The following NDEL1 variants were observed in gnomAD, a reference collection of about 807,000 sequenced individuals.
NDEL1 encodes nudE neurodevelopment protein 1 like 1, also known as nuclear distribution protein nudE-like 1.
NDEL1 carries 9 observed loss-of-function variants against 45.7 expected under a neutral mutation model. The observed-to-expected ratio is 0.20, with a 90% CI of 0.12 to 0.34. The LOEUF (loss-of-function observed/expected upper bound fraction) is 0.34, where lower values mean the gene tolerates loss of function less well. Among genes scored for constraint, NDEL1 ranks in the 10% least tolerant of loss-of-function variants. The pLI is 1.00. For missense variants in NDEL1, 306 were observed against 406.2 expected (o/e 0.75, Z 2.12); for synonymous variants, 133 against 158.6 (o/e 0.84, Z 1.21).
intron 1 of NDEL1, among the ~76,000 whole-genome samples, chr17:8,421,140 T>C (rs2151693620): frequency 6.6e-6 from 1 of 152,300 alleles, no homozygotes; most frequent in Middle Eastern, 3.4e-3. Flanking sequence ...TAATGGAAGA[T>C]TTAAGCTAAT....
intron 1 of NDEL1, among the ~76,000 whole-genome samples, chr17:8,414,203 G>A (rs1402963376): frequency 6.6e-6 from 1 of 151,692 alleles, no homozygotes; most frequent in African/African-American, 2.4e-5. Flanking sequence ...GGGTGTTTAG[G>A]GTGTTTCCAA....
intron 1 of NDEL1, among the ~76,000 whole-genome samples, chr17:8,425,164 T>C (rs1567720353): frequency 6.6e-6 from 1 of 152,262 alleles, no homozygotes; most frequent in Non-Finnish European, 1.5e-5. Context: ...TTTGAATGTG[T>C]TTGATTAGGA....
intron 1 of NDEL1, among the ~76,000 whole-genome samples, chr17:8,424,015 A>C (rs1005405818): frequency 7.2e-5 from 11 of 152,218 alleles, no homozygotes; most frequent in Admixed American, 2.6e-4. Context: ...TTATTTTTTA[A>C]ACTTTAGAAA....
chr17:8,473,539 A>G (rs1257817450), intron 3 of NDEL1, among the ~76,000 whole-genome samples: 1 of 152,162 alleles, frequency 6.6e-6, no homozygotes, highest in South Asian at 2.1e-4. Context: ...ACACTCTTGG[A>G]TAAGATACTG....
At chr17:8,451,542 C>G (rs929975833) in intron 6 of NDEL1, among the ~76,000 whole-genome samples, 1 of 152,188 alleles carries the variant, frequency 6.6e-6, no homozygotes, top group Non-Finnish European at 1.5e-5. Flanking sequence ...CATTCTGTTA[C>G]ATGCTTCAGG....
chr17:8,456,162 A>G lies in NDEL1; in HGVS notation c.792+1275A>G, dbSNP rs542846499. 4.3e-4 allele frequency among the ~76,000 whole-genome samples: 65 copies of G among 152,358 alleles called. No individual in the cohort carries two copies. The South Asian group carries it at 0.01, about 24-fold the overall frequency. On this transcript the variant is annotated intron_variant, in intron 7 of 8. Transcript: ENST00000334527. Reference sequence around the variant, plus strand: ...AAGCAGATATGGGAGGCCAAGACACAGGTCCTATGTTTGCCTGTTTCAGCT... The same window carrying G: ...AAGCAGATATGGGAGGCCAAGACACGGGTCCTATGTTTGCCTGTTTCAGCT...
chr17:8,439,191 C>T (rs367666697), intron 1 of NDEL1, among the ~76,000 whole-genome samples: 9 of 151,488 alleles, frequency 5.9e-5, no homozygotes, highest in African/African-American at 1.9e-4. Flanking sequence ...CCGCCCGCCT[C>T]GGCCTCCCAA....
intron 1 of NDEL1, among the ~76,000 whole-genome samples, chr17:8,443,701 G>T (rs986488836): frequency 5.9e-5 from 9 of 152,012 alleles, no homozygotes; most frequent in African/African-American, 2.2e-4. Context: ...GAGATTAGTG[G>T]GCTTTTGGAA....
intron 1 of NDEL1, among the ~76,000 whole-genome samples, chr17:8,421,267 C>G (rs1908698496): frequency 6.6e-6 from 1 of 152,086 alleles, no homozygotes; most frequent in Non-Finnish European, 1.5e-5. Flanking sequence ...TAATAGGCCC[C>G]CCAAAAATGT....
rs187406703 is a variant in NDEL1 at position 8,446,942 on chromosome 17, T to G, written c.389+40T>G. 6.3e-6 allele frequency: 10 copies of G among 1,587,158 alleles called. No homozygotes were observed. In the East Asian group the frequency reaches 1.8e-4, roughly 29 times the overall value. On this transcript the variant is annotated intron_variant, in intron 4 of 8. Coordinates refer to ENST00000334527, the MANE Select transcript of NDEL1 (RefSeq NM_030808.5). ...GCATTTTGTTAGAAAAAAACCACCT[T>G]GGTAATTAGTGATTAAAATCTTTAT...
chr17:8,430,392 C>T lies in NDEL1; in HGVS notation c.-12-13868C>T, dbSNP rs184878917. On this transcript the variant is annotated intron_variant, in intron 1 of 4. Coordinates refer to the NDEL1 transcript ENST00000582812. Reference sequence around the variant, plus strand: ...CAGTAGAGTTAAGTATGCCCCATCTCGTCAGAATTTCCACAGTGGGCCTGT... The same window carrying T: ...CAGTAGAGTTAAGTATGCCCCATCTTGTCAGAATTTCCACAGTGGGCCTGT... 8.9e-4 allele frequency among the ~76,000 whole-genome samples: 135 copies of T among 152,292 alleles called. 1 individual carries two copies. Among genetic ancestry groups the T allele is most frequent in the African/African-American group, 3.1e-3 (127 of 41,526 alleles).
At chr17:8,462,220 GT>G (rs1911255101) in intron 8 of NDEL1, among the ~76,000 whole-genome samples, 1 of 151,924 alleles carries the variant, frequency 6.6e-6, no homozygotes, top group African/African-American at 2.4e-5. Context: ...CTGAGTTTTG[GT>G]TTTAAATGGT....
chr17:8,471,148 T>G (rs12601240), downstream of NDEL1, among the ~76,000 whole-genome samples: 37,991 of 152,100 alleles, frequency 0.25, 5,817 homozygotes, highest in Admixed American at 0.36. Flanking sequence ...CTGCAAGTTT[T>G]TTGTTGTTGT....
intron 1 of NDEL1, among the ~76,000 whole-genome samples, chr17:8,428,567 A>G (rs979270711): frequency 1.1e-4 from 16 of 150,944 alleles, no homozygotes; most frequent in African/African-American, 3.7e-4. Context: ...GTTTCACCAT[A>G]CTGGCCAGGC....
At chr17:8,418,655 TTCCTTCCTTCCC>T (rs1908627552) in intron 1 of NDEL1, among the ~76,000 whole-genome samples, 1 of 151,662 alleles carries the variant, frequency 6.6e-6, no homozygotes, top group African/African-American at 2.4e-5. Flanking sequence ...CTTTCCTTCC[TTCCTTCCTTCCC>T]TCCCTCCCTC....
At chr17:8,470,901 C>T (rs988685621), downstream of NDEL1, among the ~76,000 whole-genome samples, 49 of 152,164 alleles carry the variant, frequency 3.2e-4, no homozygotes, top group African/African-American at 1.1e-3. The surrounding 1 kb of genome is among the most constrained non-coding windows in gnomAD (Gnocchi z 4.2). Context: ...TTGGCAGCTG[C>T]CCCGGAGATG....
At chr17:8,418,353 G>T (rs1908603036) in intron 1 of NDEL1, among the ~76,000 whole-genome samples, 1 of 152,170 alleles carries the variant, frequency 6.6e-6, no homozygotes, top group African/African-American at 2.4e-5. Flanking sequence ...AGGAGACAGT[G>T]GGCTTCCTTA....
At chr17:8,422,861 G>T (rs1445775323) in intron 1 of NDEL1, among the ~76,000 whole-genome samples, 2 of 151,340 alleles carry the variant, frequency 1.3e-5, no homozygotes, top group Admixed American at 6.6e-5. Context: ...TCAGCCTCCT[G>T]AGCAGCTGGG....
chr17:8,445,632 G>T, intron 2 of NDEL1, 79 bp from the exon 3 acceptor site: 3 of 1,447,492 alleles, frequency 2.1e-6, no homozygotes, highest in South Asian at 1.4e-5. Flanking sequence ...AAAAATTATC[G>T]AATTGCTCTA....
Sources: gnomAD v4.1 joint callset for allele counts (sites outside exome capture counted in the v4.1 genomes callset) on GRCh38, gnomAD v4.1.1 for gene constraint, Gnocchi (gnomAD v3.1) non-coding constraint, MANE v1.5 for transcripts, NCBI Gene and HGNC (gene_info 2026-07-23, HGNC 2026-07-21) for gene names.